MAGI2: variants seen among roughly 807,000 people sequenced by gnomAD.
The protein encoded by MAGI2 is membrane associated guanylate kinase, WW and PDZ domain containing 2.
A neutral mutation model predicts 133.3 loss-of-function variants in MAGI2; 35 were observed. The observed-to-expected ratio is 0.26, with a 90% CI of 0.20 to 0.35. The LOEUF is 0.35. Among genes scored for constraint, MAGI2 ranks in the 10% least tolerant of loss-of-function variants. The pLI is 1.00. For synonymous variants in MAGI2, 729 were observed against 710.6 expected, an observed-to-expected ratio of 1.03 and a Z score of -0.41; for missense variants, 1,636 against 1,863.4, an observed-to-expected ratio of 0.88 and a Z score of 2.25.
At chr7:78,604,956 C>G (rs1422066481) in intron 3 of MAGI2, among the ~76,000 whole-genome samples, 3 of 152,110 alleles carry the variant, frequency 2.0e-5, no homozygotes, top group African/African-American at 7.2e-5. Context: ...TTTTATGTAT[C>G]CATACTTCCA....
chr7:78,847,609 A>T (rs979110135), intron 2 of MAGI2, among the ~76,000 whole-genome samples: 8 of 152,058 alleles, frequency 5.3e-5, no homozygotes, highest in African/African-American at 1.7e-4. Context: ...TTTATTTTGC[A>T]TAGTAGAGTT....
chr7:79,383,430 T>G (rs1457419927), intron 1 of MAGI2, among the ~76,000 whole-genome samples: 1 of 151,636 alleles, frequency 6.6e-6, no homozygotes. Flanking sequence ...AATACAGGTA[T>G]AAAATGGGAT....
chr7:78,096,222 C>T (rs1168176203), intron 20 of MAGI2, among the ~76,000 whole-genome samples: 3 of 152,154 alleles, frequency 2.0e-5, no homozygotes, highest in Non-Finnish European at 4.4e-5. Context: ...ATTAAGAGCA[C>T]GGGCTTTGGT....
intron 6 of MAGI2, among the ~76,000 whole-genome samples, chr7:78,478,919 T>C (rs1792067803): frequency 6.6e-6 from 1 of 150,448 alleles, no homozygotes; most frequent in African/African-American, 2.5e-5. Context: ...AGGGGGAGAG[T>C]AACTGGGACG....
chr7:79,380,877 A>G (rs1270377037), intron 1 of MAGI2, among the ~76,000 whole-genome samples: 2 of 151,758 alleles, frequency 1.3e-5, no homozygotes, highest in African/African-American at 4.8e-5. Context: ...CTCATTTAAA[A>G]CGATGGCAGT....
intron 21 of MAGI2, among the ~76,000 whole-genome samples, chr7:78,060,538 A>G (rs540145477): frequency 3.1e-4 from 47 of 152,352 alleles, no homozygotes; most frequent in African/African-American, 1.1e-3. Flanking sequence ...ACTGATAACT[A>G]TGCTGCAAAG....
At chr7:78,037,792 A>T (rs571228083) in intron 21 of MAGI2, among the ~76,000 whole-genome samples, 2 of 152,188 alleles carry the variant, frequency 1.3e-5, no homozygotes, top group African/African-American at 4.8e-5. Flanking sequence ...GAGCCAAAGG[A>T]TGGCTGAAAA....
intron 1 of MAGI2, among the ~76,000 whole-genome samples, chr7:79,361,216 T>C (rs1385650371): frequency 2.0e-5 from 3 of 152,140 alleles, no homozygotes; most frequent in African/African-American, 2.4e-5. Flanking sequence ...ATGAATGTAA[T>C]AGAAACTGAT....
At chr7:79,346,440 A>G (rs1841318923) in intron 1 of MAGI2, among the ~76,000 whole-genome samples, 1 of 151,954 alleles carries the variant, frequency 6.6e-6, no homozygotes, top group Admixed American at 6.6e-5. Context: ...AAATTTCCCT[A>G]AACAGCTTTT....
intron 3 of MAGI2, among the ~76,000 whole-genome samples, chr7:78,536,314 G>A (rs1250044138): frequency 6.6e-6 from 1 of 150,506 alleles, no homozygotes; most frequent in Non-Finnish European, 1.5e-5. Flanking sequence ...GGGTTTCACC[G>A]TTTTAGCCGG....
At chr7:78,234,540 T>C (rs1563301808) in intron 10 of MAGI2, among the ~76,000 whole-genome samples, 2 of 151,310 alleles carry the variant, frequency 1.3e-5, no homozygotes, top group African/African-American at 2.4e-5. Flanking sequence ...CGTTAGAATT[T>C]ATATTCATTA....
chr7:79,099,063 T>C (rs1817747555), intron 1 of MAGI2, among the ~76,000 whole-genome samples: 1 of 152,190 alleles, frequency 6.6e-6, no homozygotes, highest in Admixed American at 6.5e-5. Flanking sequence ...AAGGAGACTT[T>C]AGGGAATGGT....
intron 6 of MAGI2, among the ~76,000 whole-genome samples, chr7:78,401,681 CT>C (rs1387012725): frequency 6.6e-6 from 1 of 152,080 alleles, no homozygotes; most frequent in Non-Finnish European, 1.5e-5. Flanking sequence ...CCTTCTCCTT[CT>C]TTTAATGGGT....
At chr7:78,075,444 T>C (rs1255540239) in intron 21 of MAGI2, among the ~76,000 whole-genome samples, 1 of 150,462 alleles carries the variant, frequency 6.6e-6, no homozygotes, top group Non-Finnish European at 1.5e-5. Flanking sequence ...TGGCACGATC[T>C]CTGCTCACTG....
intron 3 of MAGI2, among the ~76,000 whole-genome samples, chr7:78,539,554 A>G (rs1399895016): frequency 1.3e-5 from 2 of 152,096 alleles, no homozygotes. Flanking sequence ...TCTAAGCACT[A>G]CTTTTGCTGT....
At chr7:78,221,809 T>C (rs1389749180) in intron 10 of MAGI2, among the ~76,000 whole-genome samples, 1 of 151,488 alleles carries the variant, frequency 6.6e-6, no homozygotes. Context: ...CCTAGGCAAC[T>C]AGGCAACACA....
chr7:78,369,168 G>A lies in MAGI2; in HGVS notation c.1091C>T (p.Thr364Ile). ...CTTAGAGACTTACTCAACATAATAA[G>A]TGCCATAAATGGGATCATCGATTTT... is the stretch of plus-strand genomic sequence containing the variant. ...WEKIDDPIYG[T>I]YYVDHINRRT... is the part of the protein sequence containing the mutation. The change falls in exon 7 of 22, where the codon ACT (threonine) becomes ATT (isoleucine). Residue 364 changes from threonine to isoleucine, a missense_variant. By Grantham distance (89) the Thr-to-Ile change is moderately conservative (BLOSUM62 -1). Transcript: ENST00000354212. 2 of 1,602,320 alleles carry A rather than the reference G, an allele frequency of 1.2e-6. No individual in the cohort carries two copies. Among genetic ancestry groups the A allele is most frequent in the Non-Finnish European group, 1.7e-6 (2 of 1,172,960 alleles).
chr7:79,071,009 C>T (rs1019805696), intron 1 of MAGI2, among the ~76,000 whole-genome samples: 2 of 152,130 alleles, frequency 1.3e-5, no homozygotes, highest in South Asian at 2.1e-4. Context: ...TGTGATCCTT[C>T]GAAGGAGAAG....
intron 1 of MAGI2, chr7:79,343,224 A>T (rs563456450): frequency 6.6e-6 from 1 of 152,276 alleles, no homozygotes; most frequent in African/African-American, 2.4e-5. Context: ...GCACCTGCAA[A>T]TGTTTCCTTG....
Sources: allele counts gnomAD v4.1 joint callset (sites outside exome capture counted in the v4.1 genomes callset), GRCh38; gene constraint gnomAD v4.1.1; transcripts MANE v1.5; gene names NCBI Gene and HGNC (gene_info 2026-07-23, HGNC 2026-07-21).